The following SLC35F3 variants were observed in gnomAD, a reference collection of about 807,000 sequenced individuals.
SLC35F3 encodes putative thiamine transporter SLC35F3.
In SLC35F3, 25 loss-of-function variants were observed where a neutral mutation model predicts 49.9. The observed-to-expected ratio is 0.50, with a 90% confidence interval of 0.37 to 0.70. The LOEUF (loss-of-function observed/expected upper bound fraction) is 0.70. Among genes scored for constraint, SLC35F3 ranks in the 30% least tolerant of loss-of-function variants. The pLI, the probability that SLC35F3 is intolerant of heterozygous loss-of-function variation, is 0.00. For missense variants in SLC35F3, 525 were observed against 639.8 expected (o/e 0.82, Z 1.94); for synonymous variants, 275 against 265.4 (o/e 1.04, Z -0.35).
intron 2 of SLC35F3, among the ~76,000 whole-genome samples, chr1:234,230,460 A>T (rs2102950079): frequency 6.6e-6 from 1 of 152,344 alleles, no homozygotes; most frequent in South Asian, 2.1e-4. Context: ...GGTGCCAGGC[A>T]CAACATCATT....
chr1:234,023,613 A>G (rs1279931660), intron 2 of SLC35F3, among the ~76,000 whole-genome samples: 1 of 152,156 alleles, frequency 6.6e-6, no homozygotes, highest in Non-Finnish European at 1.5e-5. Context: ...ACTTCTTTCC[A>G]AAGAGTAGTG....
chr1:234,173,994 C>A (rs1666439699), intron 2 of SLC35F3, among the ~76,000 whole-genome samples: 1 of 152,216 alleles, frequency 6.6e-6, no homozygotes, highest in African/African-American at 2.4e-5. Context: ...AAGGGGCTAC[C>A]TGGGGAATTA....
rs1482660689 is a variant in SLC35F3 at position 234,285,484 on chromosome 1, G to A, written c.609-23617G>A. 7.7e-6 allele frequency: 3 copies of A among 388,092 alleles called. No homozygotes were observed. The East Asian group carries it at 2.2e-4, about 28-fold the overall frequency. 24.0% of individuals were successfully genotyped at this position (388,092 alleles called of 1,614,324 possible). A position where few individuals can be genotyped will look rare whatever the true frequency, so the allele number is the denominator to read the frequency against. Reference sequence around the variant, plus strand: ...GCAACAGTAAAAACAAGTAAAAACAGAAAATTTTGGGGTGCCATCTATGTC... The same window carrying A: ...GCAACAGTAAAAACAAGTAAAAACAAAAAATTTTGGGGTGCCATCTATGTC... On this transcript the variant is annotated intron_variant, in intron 3 of 7. Transcript: ENST00000366618.
At chr1:234,066,285 G>T (rs1373829613) in intron 2 of SLC35F3, among the ~76,000 whole-genome samples, 1 of 151,944 alleles carries the variant, frequency 6.6e-6, no homozygotes, top group Non-Finnish European at 1.5e-5. Flanking sequence ...CTGCTATAGC[G>T]ATTCCCATCT....
At chr1:233,937,367 T>A (rs1486318366) in intron 2 of SLC35F3, among the ~76,000 whole-genome samples, 1 of 152,242 alleles carries the variant, frequency 6.6e-6, no homozygotes, top group African/African-American at 2.4e-5. Flanking sequence ...TCTGTTAAAA[T>A]CAAGATGTGA....
At chr1:234,184,500 T>G (rs1341318282) in intron 2 of SLC35F3, among the ~76,000 whole-genome samples, 2 of 152,216 alleles carry the variant, frequency 1.3e-5, no homozygotes, top group African/African-American at 4.8e-5. Context: ...GGCAGGAAAT[T>G]TTCGAGGCTA....
At chr1:234,112,864 C>T (rs1012864539) in intron 2 of SLC35F3, among the ~76,000 whole-genome samples, 2 of 151,072 alleles carry the variant, frequency 1.3e-5, no homozygotes, top group East Asian at 2.0e-4. Context: ...CGTGAGCCAC[C>T]GTGCCCGGCC....
At chr1:234,168,104 A>G (rs1245048783) in intron 2 of SLC35F3, among the ~76,000 whole-genome samples, 1 of 152,142 alleles carries the variant, frequency 6.6e-6, no homozygotes, top group Non-Finnish European at 1.5e-5. Context: ...CCTGCCCTGG[A>G]CCTCACAGTT....
Position 234,209,679 on chromosome 1 carries a change from G to A in SLC35F3, c.284-21738G>A, listed in dbSNP as rs192359460. On this transcript the variant is annotated intron_variant, in intron 2 of 7. Coordinates refer to ENST00000366618, the MANE Select transcript of SLC35F3 (RefSeq NM_173508.4). ...CAGAGCACATAGGACTGATGGGATT[G>A]AGTATGGAAAATGAAAAATAGAAAC... 2.7e-3 allele frequency among the ~76,000 whole-genome samples: 406 copies of A among 152,168 alleles called. 9 individuals carry two copies. Among genetic ancestry groups the A allele is most frequent in the East Asian group, 4.3e-3 (22 of 5,156 alleles).
intron 3 of SLC35F3, among the ~76,000 whole-genome samples, chr1:234,280,828 T>TC (rs1425974701): frequency 6.6e-6 from 1 of 152,186 alleles, no homozygotes; most frequent in Non-Finnish European, 1.5e-5. Context: ...GAACAACTTG[T>TC]CATTTGTCAC....
intron 3 of SLC35F3, among the ~76,000 whole-genome samples, chr1:234,259,974 C>T (rs143588683): frequency 1.0e-3 from 152 of 152,146 alleles, no homozygotes; most frequent in Non-Finnish European, 1.9e-3. Flanking sequence ...AACTGCCCCT[C>T]GTAGTTTTCT....
At chr1:234,099,623 A>C (rs76074716) in intron 2 of SLC35F3, among the ~76,000 whole-genome samples, 2,876 of 150,422 alleles carry the variant, frequency 0.019, 94 homozygotes, top group African/African-American at 0.065. Context: ...AAAAAAAAAA[A>C]AAAACAAAAA....
At chr1:234,222,794 C>A (rs1251982830) in intron 2 of SLC35F3, among the ~76,000 whole-genome samples, 1 of 152,212 alleles carries the variant, frequency 6.6e-6, no homozygotes, top group Non-Finnish European at 1.5e-5. Context: ...TGCTAACAAT[C>A]TGATGAGGAA....
At chr1:234,156,379 A>AG (rs928589209) in intron 2 of SLC35F3, among the ~76,000 whole-genome samples, 2 of 152,230 alleles carry the variant, frequency 1.3e-5, no homozygotes, top group Non-Finnish European at 2.9e-5. Flanking sequence ...GTAACCCCGC[A>AG]GTACCACTTC....
chr1:234,144,425 G>C (rs1015059211), intron 2 of SLC35F3, among the ~76,000 whole-genome samples: 1 of 152,178 alleles, frequency 6.6e-6, no homozygotes, highest in African/African-American at 2.4e-5. Context: ...ATGATGGAAT[G>C]GTGGTTCCAT....
chr1:234,157,173 C>CT (rs2102911618), intron 2 of SLC35F3, among the ~76,000 whole-genome samples: 1 of 152,284 alleles, frequency 6.6e-6, no homozygotes, highest in Non-Finnish European at 1.5e-5. Context: ...ATACTCTTAA[C>CT]AATAGGGGAA....
intron 2 of SLC35F3, among the ~76,000 whole-genome samples, chr1:234,215,566 C>G (rs1048876834): frequency 1.3e-5 from 2 of 152,212 alleles, no homozygotes; most frequent in Non-Finnish European, 2.9e-5. Context: ...CCATGAGCAT[C>G]AGCGGTGAAT....
At chr1:234,279,157 A>C (rs1668263463) in intron 3 of SLC35F3, among the ~76,000 whole-genome samples, 1 of 152,172 alleles carries the variant, frequency 6.6e-6, no homozygotes, top group Non-Finnish European at 1.5e-5. Context: ...AGGCAGGACA[A>C]CTGTAAGTGG....
intron 2 of SLC35F3, among the ~76,000 whole-genome samples, chr1:234,176,297 C>T (rs1666474858): frequency 6.6e-6 from 1 of 152,158 alleles, no homozygotes; most frequent in African/African-American, 2.4e-5. Flanking sequence ...TGTTTTAAGG[C>T]AGTTAATTTT....
Sources: allele counts gnomAD v4.1 joint callset (sites outside exome capture counted in the v4.1 genomes callset), GRCh38; gene constraint gnomAD v4.1.1; transcripts MANE v1.5; gene names NCBI Gene and HGNC (gene_info 2026-07-23, HGNC 2026-07-21).